Variants in SLC22A15 observed in about 807,000 individuals in gnomAD.
SLC22A15 encodes solute carrier family 22 member 15, also known as flipt 1.
SLC22A15 carries 45 observed loss-of-function variants against 62.7 expected under a neutral mutation model. That is an observed-to-expected ratio of 0.72 (90% CI 0.56 to 0.92). The LOEUF is 0.92. Ranked by LOEUF, SLC22A15 falls within the 40% of genes least tolerant of loss-of-function variation. The pLI is 0.00. For synonymous variants in SLC22A15, 264 were observed against 267.0 expected, an observed-to-expected ratio of 0.99 and a Z score of 0.11; for missense variants, 622 against 665.6, an observed-to-expected ratio of 0.93 and a Z score of 0.72.
chr1:115,976,881 C>T (rs1483951243), intron 1 of SLC22A15, among the ~76,000 whole-genome samples, 167 bp downstream of exon 1: 1 of 152,058 alleles, frequency 6.6e-6, no homozygotes, highest in African/African-American at 2.4e-5. Context: ...CGCGCGGTGG[C>T]CTGGGCCCGG....
intron 10 of SLC22A15, among the ~76,000 whole-genome samples, chr1:116,066,064 G>A (rs1658489134): frequency 6.6e-6 from 1 of 152,122 alleles, no homozygotes; most frequent in Admixed American, 6.5e-5. Flanking sequence ...CGGTCTTAAG[G>A]TATATAGGAT....
intron 4 of SLC22A15, among the ~76,000 whole-genome samples, chr1:116,024,247 T>C (rs1656983276): frequency 6.6e-6 from 1 of 152,160 alleles, no homozygotes; most frequent in Non-Finnish European, 1.5e-5. Flanking sequence ...AGTGACTTGC[T>C]AAAGGACCAG....
chr1:115,988,553 C>G (rs1176790507), intron 1 of SLC22A15, among the ~76,000 whole-genome samples: 1 of 152,146 alleles, frequency 6.6e-6, no homozygotes, highest in Non-Finnish European at 1.5e-5. Flanking sequence ...GGGGGACTCT[C>G]TCTGTCACCC....
intron 3 of SLC22A15, 33 bp from the exon 4 acceptor site, chr1:116,020,688 T>C: frequency 6.5e-7 from 1 of 1,544,364 alleles, no homozygotes. Context: ...CTATTTTGCC[T>C]CTGGATTATT....
At chr1:116,022,986 T>C (rs1430167664) in intron 4 of SLC22A15, among the ~76,000 whole-genome samples, 3 of 152,176 alleles carry the variant, frequency 2.0e-5, no homozygotes, top group Admixed American at 2.0e-4. Context: ...CTTTTCAAGC[T>C]GATTTCTTTC....
rs142512487 is a variant in SLC22A15, at chr1:115,987,457, A to G, written c.88-4574A>G. Among the ~76,000 whole-genome samples, 1,289 of 152,116 alleles carry G rather than the reference A, an allele frequency of 8.5e-3. 11 individuals carry two copies. The highest frequency in any genetic ancestry group is 0.024 in the Middle Eastern group (7 of 294). ...GGGATTACTGGCATGAGTCCAGCCA[A>G]TGTAGATAGATTAAAATGAGGAAGA... On this transcript the variant is annotated intron_variant, in intron 1 of 11. Transcript: ENST00000369503.
At chr1:116,010,947 G>T (rs980701729) in intron 2 of SLC22A15, among the ~76,000 whole-genome samples, 2 of 152,196 alleles carry the variant, frequency 1.3e-5, no homozygotes, top group Non-Finnish European at 2.9e-5. Context: ...TGCCCATTTT[G>T]GTTGACCTGC....
intron 3 of SLC22A15, among the ~76,000 whole-genome samples, chr1:116,020,257 A>AC (rs1656752048): frequency 6.6e-6 from 1 of 151,434 alleles, no homozygotes; most frequent in Non-Finnish European, 1.5e-5. Flanking sequence ...AAAAAAAAAA[A>AC]AAAACACACA....
intron 8 of SLC22A15, among the ~76,000 whole-genome samples, chr1:116,051,329 G>A (rs1039145159): frequency 1.3e-5 from 2 of 152,206 alleles, no homozygotes; most frequent in South Asian, 2.1e-4. Flanking sequence ...TAGGGCCATA[G>A]TCACCAAAAC....
At chr1:116,053,177 A>G (rs746770050) in intron 8 of SLC22A15, among the ~76,000 whole-genome samples, 4 of 152,222 alleles carry the variant, frequency 2.6e-5, no homozygotes, top group Non-Finnish European at 5.9e-5. Flanking sequence ...ACGAATTTAT[A>G]ACTAGAATAA....
intron 2 of SLC22A15, chr1:116,015,041 A>T (rs114799248): frequency 6.6e-6 from 1 of 152,218 alleles, no homozygotes. Flanking sequence ...ATCACATAGT[A>T]GGTATGTGAT....
chr1:115,982,427 T>A (rs1274017427), intron 1 of SLC22A15, among the ~76,000 whole-genome samples: 1 of 152,216 alleles, frequency 6.6e-6, no homozygotes, highest in African/African-American at 2.4e-5. Flanking sequence ...TTTGCAGAAA[T>A]GTGTATCATA....
chr1:116,016,075 T>G (rs1471965101), intron 2 of SLC22A15, among the ~76,000 whole-genome samples: 1 of 152,090 alleles, frequency 6.6e-6, no homozygotes, highest in Non-Finnish European at 1.5e-5. Flanking sequence ...TCTTTCTCTT[T>G]CTTTTTCTTT....
chr1:116,008,025 C>G (rs1281844277), intron 2 of SLC22A15, among the ~76,000 whole-genome samples: 5 of 152,188 alleles, frequency 3.3e-5, no homozygotes, highest in Admixed American at 2.0e-4. Context: ...TGAAGATCGA[C>G]TCTGCCTGGG....
In SLC22A15 at chr1:116,035,154, T is replaced by C. The variant is rs914478677; in HGVS notation, c.945-33T>C. ...TACTTTTCTGTTGTCCTTCTTGTCT[T>C]TTACCTCCTGGTCCTTTGACTCCCA... On this transcript the variant is annotated intron_variant, in intron 6 of 11. Coordinates refer to ENST00000369503, the MANE Select transcript of SLC22A15 (RefSeq NM_018420.3). 2.5e-6 allele frequency: 4 copies of C among 1,598,882 alleles called. No individual in the cohort carries two copies. The East Asian group carries it at 9.0e-5, about 36-fold the overall frequency.
intron 7 of SLC22A15, among the ~76,000 whole-genome samples, chr1:116,036,770 T>C (rs1657640776): frequency 6.6e-6 from 1 of 152,194 alleles, no homozygotes; most frequent in Non-Finnish European, 1.5e-5. Context: ...AAGTATGAAA[T>C]AGCATTTCAC....
chr1:116,058,106 A>G (rs1235233144), intron 8 of SLC22A15, among the ~76,000 whole-genome samples: 1 of 151,888 alleles, frequency 6.6e-6, no homozygotes, highest in Non-Finnish European at 1.5e-5. Context: ...TAATACATAA[A>G]AAAAATAGTT....
chr1:116,050,789 G>A (rs934044791), intron 8 of SLC22A15, among the ~76,000 whole-genome samples: 4 of 152,172 alleles, frequency 2.6e-5, no homozygotes, highest in Non-Finnish European at 4.4e-5. Context: ...AACTGTCACC[G>A]TTTGCTGATG....
At chr1:115,993,250 A>T (rs940969707) in intron 2 of SLC22A15, among the ~76,000 whole-genome samples, 1 of 151,992 alleles carries the variant, frequency 6.6e-6, no homozygotes, top group African/African-American at 2.4e-5. Flanking sequence ...CACTGTTGAC[A>T]CCCTGGCCCC....
Sources: gnomAD v4.1 joint callset for allele counts (sites outside exome capture counted in the v4.1 genomes callset) on GRCh38, gnomAD v4.1.1 for gene constraint, MANE v1.5 for transcripts, NCBI Gene and HGNC (gene_info 2026-07-23, HGNC 2026-07-21) for gene names.